KCNJ6: variants seen among roughly 807,000 people sequenced by gnomAD.
KCNJ6 encodes the protein potassium inwardly rectifying channel subfamily J member 6.
A neutral mutation model predicts 34.2 loss-of-function variants in KCNJ6; 9 were observed. The observed-to-expected ratio is 0.26, with a 90% CI of 0.16 to 0.46. The LOEUF is 0.46. Ranked by LOEUF, KCNJ6 falls within the 20% of genes least tolerant of loss-of-function variation. The probability of loss-of-function intolerance (pLI) is 1.00; values close to 1 mark genes in which losing one functional copy is unlikely to be tolerated. For synonymous variants in KCNJ6, 196 were observed against 207.1 expected, an observed-to-expected ratio of 0.95 and a Z score of 0.46; for missense variants, 236 against 531.3, an observed-to-expected ratio of 0.44 and a Z score of 5.46.
At chr21:37,728,680 A>ATGTG (rs372768229) in intron 2 of KCNJ6, among the ~76,000 whole-genome samples, 8 of 144,506 alleles carry the variant, frequency 5.5e-5, no homozygotes, top group Admixed American at 3.4e-4. Flanking sequence ...CTGGGTAGGT[A>ATGTG]TGTGTGTGTG....
intron 1 of KCNJ6, among the ~76,000 whole-genome samples, chr21:37,899,744 T>C (rs2055807504): frequency 6.6e-6 from 1 of 152,214 alleles, no homozygotes; most frequent in African/African-American, 2.4e-5. Context: ...CCTTGTGAAC[T>C]TGGCTTCCAG....
At chr21:37,906,291 C>G (rs2055841110) in intron 1 of KCNJ6, among the ~76,000 whole-genome samples, 1 of 152,170 alleles carries the variant, frequency 6.6e-6, no homozygotes, top group South Asian at 2.1e-4. Context: ...CAGGTTAAAT[C>G]TGCCTCTGCA....
intron 1 of KCNJ6, among the ~76,000 whole-genome samples, chr21:37,901,366 T>A (rs1400938587): frequency 6.8e-6 from 1 of 147,650 alleles, no homozygotes; most frequent in African/African-American, 2.5e-5. Flanking sequence ...TCTGCATTTC[T>A]ATCGGTGAAA....
intron 2 of KCNJ6, among the ~76,000 whole-genome samples, chr21:37,813,670 T>C (rs1271159822): frequency 6.6e-6 from 1 of 152,196 alleles, no homozygotes; most frequent in Non-Finnish European, 1.5e-5. Context: ...GTCTCTTCAA[T>C]ACATGATTCT....
In KCNJ6 at chr21:37,614,297, A is replaced by G. The variant is rs2054253140; in HGVS notation, c.*10862T>C. The stretch of plus-strand genomic sequence containing the variant: ...ATGCAGGGGAGGAACGCCAATCTTA[A>G]GGCTTTGATTTCTGGAAATTTACTT... On this transcript the variant is annotated 3_prime_UTR_variant, in exon 4 of 4. Coordinates refer to ENST00000609713, the MANE Select transcript of KCNJ6 (RefSeq NM_002240.5). The G allele has an allele frequency of 6.6e-6, 1 of 152,108 alleles. No homozygotes were observed. The highest frequency in any genetic ancestry group is 2.1e-4 in the South Asian group (1 of 4,828). The allele number at this position is 152,108 out of a possible 1,614,324, so 9.4% of individuals were successfully genotyped here. A position where few individuals can be genotyped will look rare whatever the true frequency, so the allele number is the denominator to read the frequency against.
chr21:37,679,435 T>C (rs1307574804), intron 3 of KCNJ6, among the ~76,000 whole-genome samples: 4 of 152,228 alleles, frequency 2.6e-5, no homozygotes, highest in Non-Finnish European at 5.9e-5. Flanking sequence ...AATAACAGAA[T>C]CTACATTATA....
intron 1 of KCNJ6, among the ~76,000 whole-genome samples, chr21:37,870,593 G>T (rs4817900): frequency 0.81 from 121,308 of 150,356 alleles, 49,618 homozygotes; most frequent in African/African-American, 0.93. Context: ...TCAAAATTTT[G>T]TTTTTTTTGG....
At chr21:37,633,635 G>T (rs904389149) in intron 3 of KCNJ6, among the ~76,000 whole-genome samples, 2 of 152,078 alleles carry the variant, frequency 1.3e-5, no homozygotes, top group African/African-American at 4.8e-5. Flanking sequence ...AAAAATCTAT[G>T]CAGAAAACTT....
At chr21:37,732,295 G>A (rs1250638106) in intron 2 of KCNJ6, among the ~76,000 whole-genome samples, 1 of 152,198 alleles carries the variant, frequency 6.6e-6, no homozygotes, top group Non-Finnish European at 1.5e-5. Flanking sequence ...CCCCTGCTCA[G>A]AATGTGACAG....
intron 3 of KCNJ6, among the ~76,000 whole-genome samples, chr21:37,689,490 T>C (rs1035353787): frequency 3.9e-5 from 6 of 152,112 alleles, no homozygotes; most frequent in Non-Finnish European, 2.9e-5. Flanking sequence ...AGCCTCCCAA[T>C]AGAGGAGAGT....
intron 2 of KCNJ6, among the ~76,000 whole-genome samples, chr21:37,733,891 C>T (rs966674916): frequency 3.3e-5 from 5 of 152,176 alleles, no homozygotes; most frequent in African/African-American, 1.2e-4. Context: ...GTTCTTCTCT[C>T]AGCCTCTGCC....
intron 3 of KCNJ6, among the ~76,000 whole-genome samples, chr21:37,661,499 T>C (rs1348048067): frequency 1.3e-5 from 2 of 151,172 alleles, no homozygotes; most frequent in Non-Finnish European, 2.9e-5. Flanking sequence ...TCTAAACTAA[T>C]AAAGATTGGA....
Position 37,712,759 on chromosome 21 carries a change from C to T in KCNJ6, c.946+1452G>A, listed in dbSNP as rs796982304. Among the ~76,000 whole-genome samples, 260 of 68,792 alleles carry T rather than the reference C, an allele frequency of 3.8e-3. 70 individuals are homozygous for T. Among genetic ancestry groups the T allele is most frequent in the Non-Finnish European group, 5.0e-3 (150 of 29,914 alleles). 45.1% of individuals were successfully genotyped at this position (68,792 alleles called of 152,430 possible). ...TTCTCCTCCTCTCCTTCCTCCCCTT[C>T]CTCCTCCCCTGCCTTCCCTTCTACT... On this transcript the variant is annotated intron_variant, in intron 3 of 3. Transcript: ENST00000609713.
At chr21:37,647,605 C>T (rs537276383) in intron 3 of KCNJ6, among the ~76,000 whole-genome samples, 6 of 152,162 alleles carry the variant, frequency 3.9e-5, no homozygotes, top group East Asian at 1.9e-4. Context: ...TTAATCCCCC[C>T]CAGAGTTAGG....
chr21:37,819,533 T>C (rs985141407), intron 2 of KCNJ6, among the ~76,000 whole-genome samples: 1 of 152,192 alleles, frequency 6.6e-6, no homozygotes, highest in African/African-American at 2.4e-5. Context: ...CCTTATATCC[T>C]CTTCAACAAT....
chr21:37,663,936 C>T (rs1434634900), intron 3 of KCNJ6, among the ~76,000 whole-genome samples: 1 of 152,210 alleles, frequency 6.6e-6, no homozygotes, highest in Non-Finnish European at 1.5e-5. Context: ...TAAGCACCTA[C>T]AGAACACTGG....
intron 1 of KCNJ6, among the ~76,000 whole-genome samples, chr21:37,845,478 T>A (rs2055502216): frequency 6.6e-6 from 1 of 152,220 alleles, no homozygotes; most frequent in Admixed American, 6.5e-5. Flanking sequence ...CCACTTCTTA[T>A]TCACTCATTA....
chr21:37,770,694 C>T (rs1435230835), intron 2 of KCNJ6, among the ~76,000 whole-genome samples: 9 of 152,078 alleles, frequency 5.9e-5, no homozygotes, highest in African/African-American at 1.2e-4. Flanking sequence ...AGTTTGCTCA[C>T]GGCAAAGGTA....
At chr21:37,813,164 A>G (rs1388299376) in intron 2 of KCNJ6, among the ~76,000 whole-genome samples, 1 of 152,248 alleles carries the variant, frequency 6.6e-6, no homozygotes, top group Non-Finnish European at 1.5e-5. Context: ...TCCCAATTAC[A>G]ATAGCCACAT....
Sources: allele counts gnomAD v4.1 joint callset (sites outside exome capture counted in the v4.1 genomes callset), GRCh38; gene constraint gnomAD v4.1.1; transcripts MANE v1.5; gene names NCBI Gene and HGNC (gene_info 2026-07-23, HGNC 2026-07-21).